CEP295: variants seen among roughly 807,000 people sequenced by gnomAD.
CEP295 encodes the protein centrosomal protein 295.
CEP295 carries 190 observed loss-of-function variants against 291.6 expected under a neutral mutation model. The observed-to-expected ratio is 0.65, with a 90% CI of 0.58 to 0.73. The LOEUF (loss-of-function observed/expected upper bound fraction) is 0.73. Among genes scored for constraint, CEP295 ranks in the 30% least tolerant of loss-of-function variants. The pLI is 0.00. For synonymous variants in CEP295, 993 were observed against 1,038.8 expected (o/e 0.96, Z 0.85); for missense variants, 2,863 against 2,949.4 (o/e 0.97, Z 0.68).
chr11:93,710,730 G>T (rs76770740), intron 18 of CEP295, among the ~76,000 whole-genome samples: 1 of 152,156 alleles, frequency 6.6e-6, no homozygotes, highest in East Asian at 1.9e-4. Context: ...CAGCAGTGAA[G>T]CGATAGTGTC....
At chr11:93,692,057 T>C in intron 12 of CEP295, 27 bp downstream of exon 12, 1 of 1,263,184 alleles carries the variant, frequency 7.9e-7, no homozygotes, top group Admixed American at 2.2e-5. Flanking sequence ...TTTTTAAAGG[T>C]TTATTTTTCC....
chr11:93,681,072 AAGC>A (rs1231510387), intron 7 of CEP295, among the ~76,000 whole-genome samples: 1 of 152,292 alleles, frequency 6.6e-6, no homozygotes, highest in East Asian at 1.9e-4. Flanking sequence ...CAGACACAAA[AAGC>A]AGTCATAAAT....
intron 20 of CEP295, chr11:93,722,714 C>T (rs1334033410): frequency 4.5e-6 from 1 of 220,882 alleles, no homozygotes; most frequent in African/African-American, 2.3e-5. Flanking sequence ...TACAGTATGT[C>T]TGTAAGGAAT....
In CEP295 at chr11:93,669,701, A is replaced by G. The variant is rs770114593; in HGVS notation, c.459A>G (p.Ala153=). 1.3e-6 allele frequency: 2 copies of G among 1,550,572 alleles called. No individual in the cohort carries two copies. Among genetic ancestry groups the G allele is most frequent in the East Asian group, 4.9e-5 (2 of 40,846 alleles). Residue 153 remains alanine (A), a synonymous_variant, in exon 5 of 30, where the codon GCA becomes GCG. Coordinates refer to ENST00000325212, the MANE Select transcript of CEP295 (RefSeq NM_033395.2). ...GGCATATAAAAGCTCGAAAGGAAGC[A>G]CTGCTTGTGGAAAAAGAGAGATCAG... The part of the protein sequence containing the change: ...KTWHIKARKE[A]LLVEKERSAK...
In CEP295 at chr11:93,687,637, CTT is replaced by C. The variant is rs1421264940; in HGVS notation, c.1115-4_1115-3del. 6.9e-6 allele frequency: 10 copies of C among 1,449,286 alleles called. No homozygotes were observed. Among genetic ancestry groups the C allele is most frequent in the Admixed American group, 4.5e-5 (2 of 44,486 alleles). 89.8% of individuals were successfully genotyped at this position (1,449,286 alleles called of 1,614,324 possible). Reference sequence around the variant, plus strand: ...AAATAAGTTTTTTCCCTTTTTCTTTCTTTTAGTTCCCTTGGTAATGAAGACCC... The same window carrying C: ...AAATAAGTTTTTTCCCTTTTTCTTTCTTAGTTCCCTTGGTAATGAAGACCC... On this transcript the variant is annotated splice_region_variant and splice_polypyrimidine_tract_variant and intron_variant, in intron 9 of 29. Transcript: ENST00000325212.
Position 93,729,414 on chromosome 11 carries a change from T to C in CEP295, c.7303-20T>C, listed in dbSNP as rs184892673. 1,159 of 1,502,632 alleles carry C rather than the reference T, an allele frequency of 7.7e-4. 11 individuals are homozygous for C. The African/African-American group carries it at 0.014, about 18-fold the overall frequency. 93.1% of individuals were successfully genotyped at this position (1,502,632 alleles called of 1,614,324 possible). The stretch of plus-strand genomic sequence containing the variant: ...TAAAGCGTTTAAAAAGAGTAAAACA[T>C]GCAACTTTCTTGCCATTAGGTGAGT... On this transcript the variant is annotated intron_variant, in intron 25 of 29. Transcript: ENST00000325212.
chr11:93,717,879 T>A (rs1013770714), intron 18 of CEP295, among the ~76,000 whole-genome samples: 2 of 152,160 alleles, frequency 1.3e-5, no homozygotes, highest in African/African-American at 4.8e-5. Context: ...TTTCTCTTTC[T>A]CAGAATCATT....
intron 19 of CEP295, 23 bp from the exon 20 acceptor site, chr11:93,721,919 CTACATTGTGGTA>C (rs1364471034): frequency 2.8e-6 from 4 of 1,444,282 alleles, no homozygotes; most frequent in Non-Finnish European, 3.9e-6. Flanking sequence ...ATACTACTTG[CTACATTGTGGTA>C]TGATATTCCC....
At chr11:93,702,079 C>T (rs1286545938) in intron 15 of CEP295, among the ~76,000 whole-genome samples, 1 of 152,090 alleles carries the variant, frequency 6.6e-6, no homozygotes, top group Non-Finnish European at 1.5e-5. Flanking sequence ...CTGCCTCAGC[C>T]TCCTAAGTAG....
At chr11:93,721,896 G>C in intron 19 of CEP295, 58 bp from the exon 20 acceptor site, 1 of 1,158,942 alleles carries the variant, frequency 8.6e-7, no homozygotes, top group Non-Finnish European at 1.3e-6. Flanking sequence ...TTGGTGATTT[G>C]GGGTTTTCTT....
rs530393820 is a variant in CEP295 at position 93,679,095 on chromosome 11, G to A, written c.625-317G>A. On this transcript the variant is annotated intron_variant, in intron 6 of 29. Transcript: ENST00000325212. Reference sequence around the variant, plus strand: ...TGACCTCAGGTGATCCACCCACCTCGGCCTCCCAAAGTGCTGGAATTACAG... The same window carrying A: ...TGACCTCAGGTGATCCACCCACCTCAGCCTCCCAAAGTGCTGGAATTACAG... Among the ~76,000 whole-genome samples, 397 of 152,140 alleles carry A rather than the reference G, an allele frequency of 2.6e-3. 1 individual carries two copies. Among genetic ancestry groups the A allele is most frequent in the Non-Finnish European group, 4.0e-3 (270 of 68,000 alleles).
In CEP295 at chr11:93,699,037, ATTACTT is replaced by A. The variant is rs372296745; in HGVS notation, c.4130_4135del (p.Leu1377_Leu1378del). 6.5e-7 allele frequency: 1 copy of A among 1,546,524 alleles called. No individual in the cohort carries two copies. Among genetic ancestry groups the A allele is most frequent in the African/African-American group, 1.4e-5 (1 of 73,176 alleles). ...TAGCTAGACAAGAAGCTCGGGAAGA[ATTACTT>A]TTACATCAGAGTGAATGGGAGGGAA... is the stretch of plus-strand genomic sequence containing the variant. On this transcript the variant is annotated inframe_deletion, in exon 15 of 30. Transcript: ENST00000325212.
intron 19 of CEP295, 185 bp from the exon 20 acceptor site, chr11:93,721,769 G>A (rs778356784): frequency 5.5e-6 from 4 of 729,582 alleles, no homozygotes; most frequent in South Asian, 1.4e-5. Context: ...GGGTGCGTAT[G>A]TATGTCTATG....
chr11:93,703,469 A>T (rs1952304023), intron 17 of CEP295, among the ~76,000 whole-genome samples: 1 of 152,186 alleles, frequency 6.6e-6, no homozygotes, highest in African/African-American at 2.4e-5. Context: ...GGGGAAAACA[A>T]CTTATTGTAG....
intron 22 of CEP295, 124 bp from the exon 23 acceptor site, chr11:93,725,527 A>G: frequency 1.3e-6 from 1 of 794,494 alleles, no homozygotes; most frequent in Non-Finnish European, 1.9e-6. Context: ...TTGAAAAAGC[A>G]AATCATTGCT....
intron 1 of CEP295, among the ~76,000 whole-genome samples, chr11:93,665,074 AT>A (rs1261472548): frequency 3.3e-5 from 5 of 152,360 alleles, no homozygotes; most frequent in African/African-American, 1.2e-4. Context: ...AACAGGAATT[AT>A]CAGAGGACAG....
chr11:93,665,918 T>G (rs1950189324), intron 1 of CEP295, among the ~76,000 whole-genome samples: 1 of 152,202 alleles, frequency 6.6e-6, no homozygotes, highest in Non-Finnish European at 1.5e-5. Context: ...AAAGAACCCT[T>G]GAAATTACAG....
chr11:93,730,159 C>T lies in CEP295; in HGVS notation c.7767+11C>T. ...AAAGAATTCCATAAGGTGAGTATAA[C>T]TGAGGGAGAAGGACTTAATTTTTCA... On this transcript the variant is annotated intron_variant, in intron 29 of 29. Coordinates refer to ENST00000325212, the MANE Select transcript of CEP295 (RefSeq NM_033395.2). 1 of 1,550,922 alleles carries T rather than the reference C, an allele frequency of 6.4e-7. No individual in the cohort carries two copies. Among genetic ancestry groups the T allele is most frequent in the Non-Finnish European group, 8.7e-7 (1 of 1,146,676 alleles).
In CEP295 at chr11:93,700,065, G is replaced by C; in HGVS notation, c.5153G>C (p.Arg1718Thr). ...LGLQKQLDLQREVLHYSQKAQ... is the reference protein window; with the variant it reads ...LGLQKQLDLQTEVLHYSQKAQ... ...CTTCAGAAACAGTTGGATCTACAAA[G>C]AGAAGTTCTGCATTATAGCCAGAAA... The change falls in exon 15 of 30, where the codon AGA becomes ACA. Residue 1718 changes from arginine (R) to threonine (T), a missense_variant. By Grantham distance (71) the Arg-to-Thr change is moderately conservative. This residue lies in a region of CEP295 where 2,295 missense variants were observed against 2,335.7 expected (regional missense o/e 0.98). Transcript: ENST00000325212. The C allele has an allele frequency of 3.2e-6, 5 of 1,551,824 alleles. No homozygotes were observed. The highest frequency in any genetic ancestry group is 4.4e-6 in the Non-Finnish European group (5 of 1,147,020).
Sources: gnomAD v4.1 joint callset for allele counts (sites outside exome capture counted in the v4.1 genomes callset) on GRCh38, gnomAD v4.1.1 for gene constraint, gnomAD v4.1.1 regional missense constraint, MANE v1.5 for transcripts, NCBI Gene and HGNC (gene_info 2026-07-23, HGNC 2026-07-21) for gene names.